Variants in CNIH4 observed in about 807,000 individuals in gnomAD.
The protein encoded by CNIH4 is cornichon family member 4, also known as protein cornichon homolog 4.
In CNIH4, 9 loss-of-function variants were observed where a neutral mutation model predicts 21.5. That is an observed-to-expected ratio of 0.42 (90% CI 0.25 to 0.73). CNIH4 has a LOEUF of 0.73. Among genes scored for constraint, CNIH4 ranks in the 30% least tolerant of loss-of-function variants. The pLI is 0.27. For synonymous variants in CNIH4, 67 were observed against 59.1 expected (o/e 1.13, Z -0.61); for missense variants, 159 against 170.0 (o/e 0.94, Z 0.36).
At chr1:224,357,093 G>A (rs911509187) in intron 1 of CNIH4, 100 bp downstream of exon 1, 24 of 1,386,554 alleles carry the variant, frequency 1.7e-5, no homozygotes, top group African/African-American at 5.7e-5. Context: ...GGAGGCGCCC[G>A]GCGGCGGGCG....
In CNIH4 at chr1:224,379,185, T is replaced by G; in HGVS notation, c.*3363T>G. ...GCAGGTCCCCTCAGCTGCCTTTTCA[T>G]GCCTGCCACAGACTACAGTAGGACA... On this transcript the variant is annotated 3_prime_UTR_variant, in exon 5 of 5. Transcript: ENST00000465271. 1 of 1,304,460 alleles carries G rather than the reference T, an allele frequency of 7.7e-7. No homozygotes were observed. 80.8% of individuals were successfully genotyped at this position (1,304,460 alleles called of 1,614,324 possible).
At chr1:224,364,051 G>T in intron 2 of CNIH4, 1 of 985,384 alleles carries the variant, frequency 1.0e-6, no homozygotes, top group South Asian at 4.7e-5. Context: ...GGACTTGGTT[G>T]AAAGTCAGTA....
At chr1:224,366,624 C>T (rs1036944652) in intron 3 of CNIH4, among the ~76,000 whole-genome samples, 1 of 151,640 alleles carries the variant, frequency 6.6e-6, no homozygotes, top group Admixed American at 6.6e-5. Context: ...GCTGGGATTA[C>T]AGGTGTGAGC....
At chr1:224,360,267 G>A (rs1051839582) in intron 1 of CNIH4, among the ~76,000 whole-genome samples, 3 of 151,206 alleles carry the variant, frequency 2.0e-5, no homozygotes, top group Non-Finnish European at 4.4e-5. Context: ...CAAACTAAAT[G>A]TTCTGGTTGG....
chr1:224,367,796 C>T (rs1296240546), intron 3 of CNIH4, among the ~76,000 whole-genome samples: 1 of 152,198 alleles, frequency 6.6e-6, no homozygotes, highest in Non-Finnish European at 1.5e-5. Flanking sequence ...TGCACTTCTG[C>T]TGCGGGCTAG....
chr1:224,362,862 C>G (rs974301313), intron 2 of CNIH4, among the ~76,000 whole-genome samples: 1 of 152,000 alleles, frequency 6.6e-6, no homozygotes, highest in African/African-American at 2.4e-5. Flanking sequence ...TTCTTGTATT[C>G]TTTCTTTGAT....
chr1:224,367,514 T>C (rs2102860157), intron 3 of CNIH4, among the ~76,000 whole-genome samples: 1 of 152,032 alleles, frequency 6.6e-6, no homozygotes, highest in East Asian at 1.9e-4. Flanking sequence ...ATACTGAACA[T>C]GGGTTCTGAA....
In CNIH4 at chr1:224,377,700, A is replaced by C. The variant is rs1415419943; in HGVS notation, c.*1878A>C. The C allele has an allele frequency of 1.3e-5, 2 of 152,148 alleles. No homozygotes were observed. Among genetic ancestry groups the C allele is most frequent in the African/African-American group, 4.8e-5 (2 of 41,400 alleles). The allele number at this position is 152,148 out of a possible 1,614,324, so 9.4% of individuals were successfully genotyped here. A position where few individuals can be genotyped will look rare whatever the true frequency, so the allele number is the denominator to read the frequency against. On this transcript the variant is annotated 3_prime_UTR_variant, in exon 5 of 5. Transcript: ENST00000465271. ...TCACCATGTTGGCCAGGCTGGTCTC[A>C]AACTCCTGACCTCAAACGATCTGCC...
chr1:224,357,108 C>A (rs1672137868), intron 1 of CNIH4, 115 bp downstream of exon 1: 3 of 1,227,000 alleles, frequency 2.4e-6, no homozygotes, highest in Non-Finnish European at 3.5e-6. Context: ...CGGGCGTGGG[C>A]TCCCTGGGAG....
intron 2 of CNIH4, chr1:224,364,251 A>G: frequency 1.0e-6 from 1 of 985,310 alleles, no homozygotes; most frequent in Non-Finnish European, 1.2e-6. Flanking sequence ...GAAAAAAAAA[A>G]GAAACATGTT....
Position 224,376,190 on chromosome 1 carries a change from G to T in CNIH4, c.*368G>T. The T allele has an allele frequency of 9.9e-7, 1 of 1,008,728 alleles. No individual in the cohort carries two copies. The highest frequency in any genetic ancestry group is 1.2e-6 in the Non-Finnish European group (1 of 845,672). 62.5% of individuals were successfully genotyped at this position (1,008,728 alleles called of 1,614,324 possible). The stretch of plus-strand genomic sequence containing the variant: ...GATGAGCGAGCAAAGGTGCCCTTCA[G>T]GTCTACTGAAAAGTTAGAGTACAAA... On this transcript the variant is annotated 3_prime_UTR_variant, in exon 5 of 5. Coordinates refer to ENST00000465271, the MANE Select transcript of CNIH4 (RefSeq NM_014184.4).
chr1:224,360,559 A>T lies in CNIH4; in HGVS notation c.134A>T (p.Asn45Ile), dbSNP rs1672249724. 1.4e-6 allele frequency: 2 copies of T among 1,457,142 alleles called. No individual in the cohort carries two copies. The highest frequency in any genetic ancestry group is 2.8e-5 in the South Asian group (2 of 70,982). 90.3% of individuals were successfully genotyped at this position (1,457,142 alleles called of 1,614,324 possible). ...GCTAGATCATGTTGCTCAAAATTAA[A>T]CAAGGTAAGACATTTCTTTGCTCAT... ...INARSCCSKL[N>I]KWVIPELIGH... Residue 45 changes from asparagine (N) to isoleucine (I), a missense_variant, in exon 2 of 5, where the codon AAC (asparagine) becomes ATC (isoleucine). Asn to Ile is a moderately radical substitution (Grantham distance 149, BLOSUM62 -3). Coordinates refer to ENST00000465271, the MANE Select transcript of CNIH4 (RefSeq NM_014184.4).
At chr1:224,358,070 T>G (rs1371679334) in intron 1 of CNIH4, among the ~76,000 whole-genome samples, 1 of 152,114 alleles carries the variant, frequency 6.6e-6, no homozygotes, top group Non-Finnish European at 1.5e-5. Context: ...ATATGTTCAG[T>G]GCAGCTTCAT....
intron 4 of CNIH4, among the ~76,000 whole-genome samples, chr1:224,371,663 C>CGTTT (rs1672633391): frequency 6.6e-6 from 1 of 152,206 alleles, no homozygotes; most frequent in African/African-American, 2.4e-5. Flanking sequence ...ATGCTTAAAA[C>CGTTT]AGGGCACGGT....
intron 1 of CNIH4, chr1:224,357,330 C>G (rs1248628789): frequency 8.3e-6 from 2 of 239,524 alleles, no homozygotes; most frequent in Admixed American, 1.2e-4. Context: ...CCAGCCCTGC[C>G]TGAGCCACGG....
intron 3 of CNIH4, among the ~76,000 whole-genome samples, chr1:224,368,785 G>A (rs576981002): frequency 1.2e-4 from 18 of 151,936 alleles, no homozygotes; most frequent in Non-Finnish European, 2.4e-4. Flanking sequence ...GCCACCCAAC[G>A]TGTTGGGATT....
In CNIH4 at chr1:224,371,309, T is replaced by C. The variant is rs1231845891; in HGVS notation, c.278T>C (p.Met93Thr). The C allele has an allele frequency of 6.2e-7, 1 of 1,614,050 alleles. No individual in the cohort carries two copies. Among genetic ancestry groups the C allele is most frequent in the South Asian group, 1.1e-5 (1 of 91,068 alleles). Residue 93 changes from methionine to threonine, a missense_variant, in exon 4 of 5, where the codon ATG (methionine) becomes ACG (threonine). By Grantham distance (81) the Met-to-Thr change is moderately conservative. Coordinates refer to ENST00000465271, the MANE Select transcript of CNIH4 (RefSeq NM_014184.4). ...YRYIMVPSGN[M>T]GVFDPTEIHN... ...TACATTATGGTGCCGAGTGGTAACATGGGAGTGTTTGATCCAACAGAAATA... is the reference window on the plus strand; with the variant it reads ...TACATTATGGTGCCGAGTGGTAACACGGGAGTGTTTGATCCAACAGAAATA...
chr1:224,357,272 C>T lies in CNIH4; in HGVS notation c.69+279C>T, dbSNP rs970401629. Reference sequence around the variant, plus strand: ...CGAGTGGGCCTCTCCGGGCGCGCCCCGTCTCGGCCTGCCCGCCTGCTCTCC... The same window carrying T: ...CGAGTGGGCCTCTCCGGGCGCGCCCTGTCTCGGCCTGCCCGCCTGCTCTCC... On this transcript the variant is annotated intron_variant, in intron 1 of 4. Transcript: ENST00000465271. 2.6e-5 allele frequency: 9 copies of T among 344,710 alleles called. No individual in the cohort carries two copies. The Admixed American group carries it at 4.1e-4, about 16-fold the overall frequency. 21.4% of individuals were successfully genotyped at this position (344,710 alleles called of 1,614,324 possible).
chr1:224,362,486 AC>A (rs1459735148), intron 2 of CNIH4, among the ~76,000 whole-genome samples: 1 of 91,508 alleles, frequency 1.1e-5, no homozygotes, highest in Non-Finnish European at 2.0e-5. Context: ...ATCGCTGTGT[AC>A]TTTTTTTTTT....
Sources: allele counts gnomAD v4.1 joint callset (sites outside exome capture counted in the v4.1 genomes callset), GRCh38; gene constraint gnomAD v4.1.1; transcripts MANE v1.5; gene names NCBI Gene and HGNC (gene_info 2026-07-23, HGNC 2026-07-21).